The following MAGI2 variants were observed in gnomAD, a reference collection of about 807,000 sequenced individuals.
MAGI2 encodes membrane associated guanylate kinase, WW and PDZ domain containing 2.
MAGI2 carries 35 observed loss-of-function variants against 133.3 expected under a neutral mutation model. The observed-to-expected ratio is 0.26, with a 90% confidence interval of 0.20 to 0.35. MAGI2 has a LOEUF of 0.35. MAGI2 is among the 10% of genes least tolerant of loss of function. MAGI2 has a pLI of 1.00. For synonymous variants in MAGI2, 729 were observed against 710.6 expected, an observed-to-expected ratio of 1.03 and a Z score of -0.41; for missense variants, 1,636 against 1,863.4, an observed-to-expected ratio of 0.88 and a Z score of 2.25.
At chr7:78,515,055 G>A (rs116243004) in intron 4 of MAGI2, among the ~76,000 whole-genome samples, 3,592 of 152,162 alleles carry the variant, frequency 0.024, 76 homozygotes, top group East Asian at 0.068. Context: ...AAATATATGC[G>A]CATTTCTAAT....
chr7:78,261,757 C>G (rs1793539757), intron 9 of MAGI2, among the ~76,000 whole-genome samples: 1 of 152,114 alleles, frequency 6.6e-6, no homozygotes, highest in South Asian at 2.1e-4. Flanking sequence ...TTTAAAGTTT[C>G]CTCTCGGTTA....
intron 7 of MAGI2, among the ~76,000 whole-genome samples, chr7:78,364,639 G>T (rs767422067): frequency 6.6e-6 from 1 of 152,156 alleles, no homozygotes; most frequent in Non-Finnish European, 1.5e-5. Context: ...GCCAGAGAAG[G>T]CAGCTTTGCA....
At chr7:78,121,360 GA>G (rs1820460177) in intron 20 of MAGI2, among the ~76,000 whole-genome samples, 1 of 151,894 alleles carries the variant, frequency 6.6e-6, no homozygotes, top group African/African-American at 2.4e-5. Context: ...ATTAATTGAT[GA>G]AAAAGATCAC....
At chr7:78,298,624 C>T (rs990880089) in intron 9 of MAGI2, among the ~76,000 whole-genome samples, 1 of 152,142 alleles carries the variant, frequency 6.6e-6, no homozygotes, top group Non-Finnish European at 1.5e-5. Context: ...GTGCCTCAGC[C>T]TCCCGAATAG....
chr7:78,052,410 C>T (rs757673811), intron 21 of MAGI2, among the ~76,000 whole-genome samples: 6 of 152,166 alleles, frequency 3.9e-5, no homozygotes, highest in East Asian at 1.9e-4. Context: ...CTACACCTTC[C>T]GCCAGGAGTG....
At chr7:79,064,133 A>T (rs1046342111) in intron 1 of MAGI2, among the ~76,000 whole-genome samples, 1 of 152,176 alleles carries the variant, frequency 6.6e-6, no homozygotes, top group South Asian at 2.1e-4. Context: ...ATATAGTCAC[A>T]TGGAATGCTT....
chr7:79,338,409 C>T (rs10225318), intron 1 of MAGI2, among the ~76,000 whole-genome samples: 7,198 of 152,096 alleles, frequency 0.047, 273 homozygotes, highest in African/African-American at 0.11. Flanking sequence ...AGAAAGATAC[C>T]TTAGGTGGAT....
At chr7:78,474,894 T>C (rs1452667553) in intron 6 of MAGI2, among the ~76,000 whole-genome samples, 2 of 151,838 alleles carry the variant, frequency 1.3e-5, no homozygotes, top group Non-Finnish European at 2.9e-5. Flanking sequence ...AATACTCTAA[T>C]GTTTTTGCTA....
Position 79,163,934 on chromosome 7 carries a change from T to C in MAGI2, c.302-156728A>G, listed in dbSNP as rs541764839. 2.0e-5 allele frequency among the ~76,000 whole-genome samples: 3 copies of C among 152,222 alleles called. No homozygotes were observed. The South Asian group carries it at 6.2e-4, about 32-fold the overall frequency. ...TGATCCAGGATTTTTTCTTCTTTTT[T>C]TTAGACTAAACCCTAGGCCTGACTC... On this transcript the variant is annotated intron_variant, in intron 1 of 21. Transcript: ENST00000354212.
At chr7:78,229,828 C>A (rs1251032742) in intron 10 of MAGI2, among the ~76,000 whole-genome samples, 2 of 152,086 alleles carry the variant, frequency 1.3e-5, no homozygotes, top group African/African-American at 4.8e-5. Flanking sequence ...TGGATTCTGG[C>A]AGAAGTGGTC....
chr7:79,393,806 T>C (rs1474149272), intron 1 of MAGI2, among the ~76,000 whole-genome samples: 1 of 152,212 alleles, frequency 6.6e-6, no homozygotes, highest in African/African-American at 2.4e-5. Context: ...CACATTTTAC[T>C]ATTTTAACTG....
chr7:78,657,934 T>C (rs1812485630), intron 2 of MAGI2, among the ~76,000 whole-genome samples: 1 of 152,168 alleles, frequency 6.6e-6, no homozygotes, highest in East Asian at 1.9e-4. Flanking sequence ...CTGTACCTTC[T>C]GCTCAACTTC....
intron 3 of MAGI2, among the ~76,000 whole-genome samples, chr7:78,538,727 T>C (rs1006129692): frequency 6.6e-6 from 1 of 152,214 alleles, no homozygotes; most frequent in African/African-American, 2.4e-5. Flanking sequence ...ATTTATCAGA[T>C]CTAGGAGCTT....
Position 78,384,705 on chromosome 7 carries a change from T to C in MAGI2, c.1046-15492A>G, listed in dbSNP as rs1030037876. The stretch of plus-strand genomic sequence containing the variant: ...CTCTGGGGCCAACTAAATATTAACA[T>C]CAATATAGTAAGGATTTAAAAAAAT... On this transcript the variant is annotated intron_variant, in intron 6 of 21. Transcript: ENST00000354212. Among the ~76,000 whole-genome samples the C allele has an allele frequency of 2.0e-5, 3 of 150,970 alleles. No homozygotes were observed. In the East Asian group the frequency reaches 5.8e-4, roughly 29 times the overall value.
At chr7:79,254,921 A>G (rs1833576619) in intron 1 of MAGI2, among the ~76,000 whole-genome samples, 1 of 152,186 alleles carries the variant, frequency 6.6e-6, no homozygotes, top group Non-Finnish European at 1.5e-5. Flanking sequence ...AATTCCATAG[A>G]AGTTCACGGG....
intron 6 of MAGI2, among the ~76,000 whole-genome samples, chr7:78,480,569 G>A (rs1244465103): frequency 6.6e-6 from 1 of 151,830 alleles, no homozygotes; most frequent in Non-Finnish European, 1.5e-5. Context: ...GGTATGCAAG[G>A]TTGATTTAAT....
chr7:79,093,676 CTTTCTCTTTCTCTTTCTCTTTCT>C (rs1487327757), intron 1 of MAGI2, among the ~76,000 whole-genome samples: 1,728 of 132,910 alleles, frequency 0.013, 31 homozygotes, highest in African/African-American at 0.049. Flanking sequence ...ATTTCTTTTT[CTTTCTCTTTCTCTTTCTCTTTCT>C]TTTTCTTTTC....
At chr7:78,380,719 A>T (rs967132177) in intron 6 of MAGI2, among the ~76,000 whole-genome samples, 1 of 152,178 alleles carries the variant, frequency 6.6e-6, no homozygotes, top group African/African-American at 2.4e-5. Flanking sequence ...TTTATTGTAC[A>T]TTTAAAAATA....
At chr7:78,406,135 C>G (rs137909930) in intron 6 of MAGI2, among the ~76,000 whole-genome samples, 2 of 151,828 alleles carry the variant, frequency 1.3e-5, no homozygotes, top group African/African-American at 4.8e-5. Flanking sequence ...ATTAAAAAGA[C>G]AGTAAATTAT....
Sources: gnomAD v4.1 joint callset for allele counts (sites outside exome capture counted in the v4.1 genomes callset) on GRCh38, gnomAD v4.1.1 for gene constraint, MANE v1.5 for transcripts, NCBI Gene and HGNC (gene_info 2026-07-23, HGNC 2026-07-21) for gene names.